HPX: variants seen among roughly 807,000 people sequenced by gnomAD.
HPX encodes hemopexin.
HPX carries 42 observed loss-of-function variants against 53.8 expected under a neutral mutation model. The ratio of observed to expected loss-of-function variants is 0.78; its 90% CI spans 0.61 to 1.01. The LOEUF (loss-of-function observed/expected upper bound fraction) is 1.01. HPX is among the 50% of genes least tolerant of loss of function. The pLI is 0.00. For missense variants in HPX, 547 were observed against 594.3 expected, an observed-to-expected ratio of 0.92 and a Z score of 0.83; for synonymous variants, 229 against 221.1, an observed-to-expected ratio of 1.04 and a Z score of -0.32.
rs1340368950 is a variant in HPX at position 6,440,235 on chromosome 11, C to T, written c.266G>A (p.Arg89Lys). ...CACAGGGCTGGGGAAATTCTTCCATCTCTCTGAGATTAACTCCCGGTCCCA... is the reference window on the plus strand; with the variant it reads ...CACAGGGCTGGGGAAATTCTTCCATTTCTCTGAGATTAACTCCCGGTCCCA... ...HKWDRELISE[R>K]WKNFPSPVDA... The change falls in exon 4 of 10, where the codon AGA becomes AAA. Residue 89 changes from arginine (R) to lysine (K), a missense_variant. Transcript: ENST00000265983. 2 of 1,614,064 alleles carry T rather than the reference C, an allele frequency of 1.2e-6. No individual in the cohort carries two copies. The highest frequency in any genetic ancestry group is 3.3e-5 in the Admixed American group (2 of 60,018).
At chr11:6,438,307 C>A (rs1181960144) in intron 5 of HPX, 49 bp downstream of exon 5, 2 of 1,591,850 alleles carry the variant, frequency 1.3e-6, no homozygotes, top group Admixed American at 1.7e-5. Flanking sequence ...ACTGGCATCA[C>A]TACCAACCCA....
rs1259169614 is a variant in HPX at position 6,437,542 on chromosome 11, A to G, written c.601T>C (p.Phe201Leu). The change falls in exon 6 of 10, where the codon TTC becomes CTC. Residue 201 changes from phenylalanine (F) to leucine (L), a missense_variant. Phe to Leu is a conservative substitution (Grantham distance 22, BLOSUM62 0). Coordinates refer to ENST00000265983, the MANE Select transcript of HPX (RefSeq NM_000613.3). ...AAGCGCAGGAATTGGTTACCCTGGAAGCAGTAGTAGCGGCCCAGCCATCTC... is the reference window on the plus strand; with the variant it reads ...AAGCGCAGGAATTGGTTACCCTGGAGGCAGTAGTAGCGGCCCAGCCATCTC... Reference protein sequence around the residue: ...ALRWLGRYYCFQGNQFLRFDP... With the variant: ...ALRWLGRYYCLQGNQFLRFDP... 1.2e-6 allele frequency: 2 copies of G among 1,614,106 alleles called. No homozygotes were observed. Among genetic ancestry groups the G allele is most frequent in the African/African-American group, 1.3e-5 (1 of 74,932 alleles).
chr11:6,440,679 G>A lies in HPX; in HGVS notation c.135C>T (p.Asp45=), dbSNP rs141356923. The change falls in exon 2 of 10, where the codon GAC becomes GAT. Residue 45 remains aspartate (D), a synonymous_variant. Coordinates refer to ENST00000265983, the MANE Select transcript of HPX (RefSeq NM_000613.3). ...VAEGETKPDP[D]VTERCSDGWS... is the part of the protein sequence containing the mutation. ...AGGGAGTCAGGGCCTCACCAGTCAC[G>A]TCTGGGTCTGGCTTGGTCTCGCCTT... The A allele has an allele frequency of 2.3e-5, 37 of 1,612,116 alleles. No homozygotes were observed. Among genetic ancestry groups the A allele is most frequent in the East Asian group, 4.5e-5 (2 of 44,754 alleles).
Position 6,431,542 on chromosome 11 carries a change from T to C in HPX, c.1130-72A>G, listed in dbSNP as rs1038845875. 9.3e-6 allele frequency: 15 copies of C among 1,607,514 alleles called. No homozygotes were observed. The African/African-American group carries it at 1.7e-4, about 19-fold the overall frequency. ...TCCTGACCTAGGCCTTCTCATGCCC[T>C]GGGGATCCTGACCTAGGCCTTCTCA... On this transcript the variant is annotated intron_variant, in intron 9 of 9. Coordinates refer to ENST00000265983, the MANE Select transcript of HPX (RefSeq NM_000613.3).
chr11:6,440,305 A>T lies in HPX; in HGVS notation c.215-19T>A. 2.5e-6 allele frequency: 4 copies of T among 1,613,494 alleles called. No individual in the cohort carries two copies. The highest frequency in any genetic ancestry group is 3.4e-6 in the Non-Finnish European group (4 of 1,179,890). On this transcript the variant is annotated intron_variant, in intron 3 of 9. Coordinates refer to ENST00000265983, the MANE Select transcript of HPX (RefSeq NM_000613.3). ...AACTCCCCTGAAAAAACCCACACTCACTGAGGGGCCCAGTGAGAAACCTTT... is the reference window on the plus strand; with the variant it reads ...AACTCCCCTGAAAAAACCCACACTCTCTGAGGGGCCCAGTGAGAAACCTTT...
At position 6,437,189 on chromosome 11, in the gene HPX, A is replaced by C; in HGVS notation, c.704-12T>G. ...CCTGTGTCCATGGCCTGGAGAGAGA[A>C]ATGGGTGAGGAGAACACAGAAGGAG... On this transcript the variant is annotated splice_polypyrimidine_tract_variant and intron_variant, in intron 6 of 9. Transcript: ENST00000265983. 1 of 1,611,428 alleles carries C rather than the reference A, an allele frequency of 6.2e-7. No individual in the cohort carries two copies. Among genetic ancestry groups the C allele is most frequent in the East Asian group, 2.2e-5 (1 of 44,822 alleles).
At position 6,438,368 on chromosome 11, in the gene HPX, G is replaced by C. The variant is rs1385694311; in HGVS notation, c.478C>G (p.Leu160Val). Residue 160 changes from leucine (L) to valine (V), a missense_variant, in exon 5 of 10, where the codon CTC becomes GTC. Leu to Val is a conservative substitution (Grantham distance 32). Coordinates refer to ENST00000265983, the MANE Select transcript of HPX (RefSeq NM_000613.3). ...HRGECQAEGV[L>V]FFQGDREWFW... ...AGCCTGGACTGACCTTGGAAGAAGA[G>C]GACGCCTTCAGCTTGACATTCTCCA... The C allele has an allele frequency of 4.3e-6, 7 of 1,614,158 alleles. No homozygotes were observed. The highest frequency in any genetic ancestry group is 4.0e-5 in the African/African-American group (3 of 75,038).
At chr11:6,440,567 TAAAAAAAAAAAAAAAAAAAAA>T (rs71056749) in intron 2 of HPX, 29 bp from the exon 3 acceptor site, 57 of 591,178 alleles carry the variant, frequency 9.6e-5, no homozygotes, top group Middle Eastern at 9.7e-4. Flanking sequence ...GATGGCAAAG[TAAAAAAAAAAAAAAAAAAAAA>T]AAAAAAAAAA....
intron 7 of HPX, 70 bp downstream of exon 7, chr11:6,436,976 G>C (rs1053876102): frequency 2.4e-5 from 36 of 1,525,378 alleles, no homozygotes; most frequent in Non-Finnish European, 3.3e-5. Context: ...ATGGAGAAAT[G>C]TGTCAAGGAT....
intron 7 of HPX, among the ~76,000 whole-genome samples, chr11:6,434,942 T>C (rs1417609037): frequency 6.6e-6 from 1 of 151,890 alleles, no homozygotes; most frequent in African/African-American, 2.4e-5. Context: ...TAAAAACCTA[T>C]GAGGGGCCAG....
intron 7 of HPX, among the ~76,000 whole-genome samples, chr11:6,436,461 C>T (rs1172357508): frequency 1.3e-5 from 2 of 152,152 alleles, no homozygotes; most frequent in African/African-American, 4.8e-5. Context: ...GGGGTATCTC[C>T]ATTGGCTACT....
At chr11:6,435,736 G>A (rs1369525060) in intron 7 of HPX, among the ~76,000 whole-genome samples, 1 of 152,212 alleles carries the variant, frequency 6.6e-6, no homozygotes, top group Non-Finnish European at 1.5e-5. Context: ...GATTACAGGC[G>A]TGACTCACCA....
Position 6,439,268 on chromosome 11 carries a change from G to A in HPX, c.337-759C>T, listed in dbSNP as rs1590806022. Among the ~76,000 whole-genome samples, 3 of 152,310 alleles carry A rather than the reference G, an allele frequency of 2.0e-5. No homozygotes were observed. In the East Asian group the frequency reaches 5.8e-4, roughly 29 times the overall value. On this transcript the variant is annotated intron_variant, in intron 4 of 9. Coordinates refer to ENST00000265983, the MANE Select transcript of HPX (RefSeq NM_000613.3). Reference sequence around the variant, plus strand: ...GGCACACAGTGAATGTGGCAGGGGAGGAGATAAACCTGAGAAGATAACCAA... The same window carrying A: ...GGCACACAGTGAATGTGGCAGGGGAAGAGATAAACCTGAGAAGATAACCAA...
chr11:6,440,097 T>C, intron 4 of HPX, 68 bp downstream of exon 4: 1 of 1,605,200 alleles, frequency 6.2e-7, no homozygotes. Context: ...CAAGGCCATT[T>C]GGGGGAAGGG....
intron 5 of HPX, chr11:6,437,935 G>A (rs1564955886): frequency 1.8e-6 from 1 of 549,884 alleles, no homozygotes; most frequent in Non-Finnish European, 3.3e-6. Context: ...AGGAGAGATG[G>A]AACCCCAGAG....
chr11:6,431,516 A>G, intron 9 of HPX, 46 bp from the exon 10 acceptor site: 1 of 1,611,838 alleles, frequency 6.2e-7, no homozygotes, highest in Non-Finnish European at 8.5e-7. Context: ...TGTCATGGGG[A>G]TCCTGACCTA....
chr11:6,431,364 G>A lies in HPX; in HGVS notation c.1236C>T (p.Ser412=), dbSNP rs564475027. The A allele has an allele frequency of 1.5e-4, 248 of 1,614,126 alleles. No homozygotes were observed. Among genetic ancestry groups the A allele is most frequent in the Admixed American group, 1.2e-3 (73 of 60,010 alleles). Residue 412 remains serine, a synonymous_variant, in exon 10 of 10, where the codon TCC becomes TCT. Transcript: ENST00000265983. ...TGGCGGAACATGAGTTAGGGCCAAGGGACTTTTCCATACACAAGGCTCCGT... is the reference window on the plus strand; with the variant it reads ...TGGCGGAACATGAGTTAGGGCCAAGAGACTTTTCCATACACAAGGCTCCGT... ...KVDGALCMEK[S]LGPNSCSANG...
intron 5 of HPX, 74 bp downstream of exon 5, chr11:6,438,282 A>G (rs749407135): frequency 1.3e-5 from 19 of 1,452,980 alleles, no homozygotes; most frequent in Non-Finnish European, 1.6e-5. Flanking sequence ...CATCACTACC[A>G]CTATCACCAT....
intron 7 of HPX, among the ~76,000 whole-genome samples, chr11:6,434,806 A>T (rs956462765): frequency 1.3e-5 from 2 of 152,202 alleles, no homozygotes; most frequent in Non-Finnish European, 1.5e-5. Flanking sequence ...TCTTACTAGG[A>T]AAAAAGAGCA....
Sources: gnomAD v4.1 joint callset for allele counts (sites outside exome capture counted in the v4.1 genomes callset) on GRCh38, gnomAD v4.1.1 for gene constraint, MANE v1.5 for transcripts, NCBI Gene and HGNC (gene_info 2026-07-23, HGNC 2026-07-21) for gene names.